The following ASB2 variants were observed in gnomAD, a reference collection of about 807,000 sequenced individuals.
The protein encoded by ASB2 is ankyrin repeat and SOCS box protein 2.
Under a neutral mutation model 62.4 loss-of-function variants are expected in ASB2, and 58 were observed. That is an observed-to-expected ratio of 0.93 (90% CI 0.75 to 1.16). The LOEUF is 1.16. ASB2 is among the 50% of genes most tolerant of loss of function. The pLI, the probability that ASB2 is intolerant of heterozygous loss-of-function variation, is 0.00. For missense variants in ASB2, 928 were observed against 887.9 expected (o/e 1.05, Z -0.57); for synonymous variants, 386 against 385.3 (o/e 1.00, Z -0.02).
chr14:93,973,589 T>G (rs1889823695), intron 1 of ASB2, among the ~76,000 whole-genome samples: 1 of 152,228 alleles, frequency 6.6e-6, no homozygotes, highest in Non-Finnish European at 1.5e-5. Context: ...GCTTCCAGTT[T>G]ACTTCTTTGG....
chr14:93,943,426 G>C (rs6575369), intron 7 of ASB2, among the ~76,000 whole-genome samples: 123,497 of 152,138 alleles, frequency 0.81, 50,473 homozygotes, highest in Middle Eastern at 0.94. Context: ...GGGTGGATCA[G>C]TTGAGCTCAG....
At chr14:93,955,414 A>T (rs968509013) in intron 3 of ASB2, 15 of 328,026 alleles carry the variant, frequency 4.6e-5, no homozygotes, top group Non-Finnish European at 9.1e-5. Context: ...AGCAAGGACG[A>T]TGGGAAACTG....
At chr14:93,947,667 C>T (rs542495885) in intron 6 of ASB2, 147 bp from the exon 7 acceptor site, 20 of 754,784 alleles carry the variant, frequency 2.6e-5, no homozygotes, top group African/African-American at 2.4e-4. Context: ...AGGAGTCTAC[C>T]TGGGGCTACC....
At chr14:93,972,432 T>C (rs1287570048) in intron 1 of ASB2, among the ~76,000 whole-genome samples, 1 of 152,154 alleles carries the variant, frequency 6.6e-6, no homozygotes, top group Non-Finnish European at 1.5e-5. Flanking sequence ...CTGGTGCCTG[T>C]GGGTCCTTGT....
At chr14:93,957,847 C>T (rs2141303692) in intron 2 of ASB2, among the ~76,000 whole-genome samples, 1 of 152,296 alleles carries the variant, frequency 6.6e-6, no homozygotes, top group East Asian at 1.9e-4. Flanking sequence ...TGACACCACC[C>T]CCAGTAGGTC....
intron 2 of ASB2, among the ~76,000 whole-genome samples, chr14:93,959,401 G>A (rs773392819): frequency 7.2e-5 from 11 of 152,172 alleles, no homozygotes; most frequent in Non-Finnish European, 1.3e-4. Flanking sequence ...CAAGGCGACC[G>A]CTCAGAGTTA....
intron 2 of ASB2, among the ~76,000 whole-genome samples, chr14:93,963,985 A>T (rs1465236118): frequency 2.6e-5 from 4 of 152,106 alleles, no homozygotes. Context: ...GTGTTGTAAG[A>T]TAGGGAGCCA....
intron 1 of ASB2, among the ~76,000 whole-genome samples, chr14:93,966,575 A>G (rs1235231640): frequency 6.6e-6 from 1 of 152,208 alleles, no homozygotes; most frequent in Non-Finnish European, 1.5e-5. Flanking sequence ...CATAATGAAT[A>G]ATAGTTTTTC....
Position 93,939,509 on chromosome 14 carries a change from GGC to G in ASB2, c.1214_1215del (p.Arg405ProfsTer137), listed in dbSNP as rs747725471. The G allele has an allele frequency of 3.1e-6, 5 of 1,607,918 alleles. No individual in the cohort carries two copies. Among genetic ancestry groups the G allele is most frequent in the African/African-American group, 1.3e-5 (1 of 74,564 alleles). On this transcript the variant is annotated frameshift_variant, in exon 8 of 10. Coordinates refer to ENST00000555019, the MANE Select transcript of ASB2 (RefSeq NM_001202429.2). LOFTEE classifies it high-confidence loss of function. ...GCGGAGCTGCGCCGGTCTTCGTAGA[GGC>G]GCGCGCGCTCGGGGGCCAGCGGCGT... ...VNTPLAPERA[R>X]LYEDRRSSAL...
intron 8 of ASB2, among the ~76,000 whole-genome samples, chr14:93,938,203 G>A (rs1888343121): frequency 6.7e-6 from 1 of 150,212 alleles, no homozygotes. Flanking sequence ...TCCAGGAGAG[G>A]AGTGTGTCTA....
intron 1 of ASB2, among the ~76,000 whole-genome samples, chr14:93,971,582 G>T (rs145771640): frequency 1.3e-5 from 2 of 152,296 alleles, no homozygotes; most frequent in Non-Finnish European, 2.9e-5. Context: ...AAAGCCTGTG[G>T]TTCAGATCCA....
At chr14:93,937,173 C>T (rs1197863532) in intron 9 of ASB2, among the ~76,000 whole-genome samples, 2 of 152,212 alleles carry the variant, frequency 1.3e-5, no homozygotes, top group African/African-American at 2.4e-5. Flanking sequence ...TCTCCCACAC[C>T]AGGGTGTTCT....
chr14:93,962,537 C>T (rs4905119), intron 2 of ASB2, among the ~76,000 whole-genome samples: 100,321 of 152,000 alleles, frequency 0.66, 34,973 homozygotes, highest in East Asian at 0.97. Flanking sequence ...GAGGGCTGCT[C>T]GACCTGGGAG....
Position 93,951,101 on chromosome 14 carries a change from C to T in ASB2, c.778G>A (p.Gly260Arg), listed in dbSNP as rs139557548. 1.4e-4 allele frequency: 222 copies of T among 1,614,228 alleles called. 1 individual carries two copies. In the African/African-American group the frequency reaches 2.1e-3, roughly 15 times the overall value. Residue 260 changes from glycine (G) to arginine (R), a missense_variant, in exon 6 of 10, where the codon GGA becomes AGA. Gly to Arg is a moderately radical substitution (Grantham distance 125). Transcript: ENST00000555019. Reference protein sequence around the residue: ...DLEVMQILVSGGAKVESKNAY... With the variant: ...DLEVMQILVSRGAKVESKNAY... ...TTCTTGGATTCCACCTTGGCTCCTC[C>T]GCTCACCAGGATCTGCATGACCTCC...
In ASB2 at chr14:93,939,636, C is replaced by T; in HGVS notation, c.1089G>A (p.Thr363=). 3 of 1,521,568 alleles carry T rather than the reference C, an allele frequency of 2.0e-6. No individual in the cohort carries two copies. Among genetic ancestry groups the T allele is most frequent in the Non-Finnish European group, 2.6e-6 (3 of 1,142,576 alleles). The allele number at this position is 1,521,568 out of a possible 1,614,324, so 94.3% of individuals were successfully genotyped here. ...VQMLLPVTSR[T]RIRRSGVSPL... is the part of the protein sequence containing the mutation. ...GACTGACGCCGCTACGGCGTATGCG[C>T]GTGCGGCTGGTCACCGGCAGCAGCA... Residue 363 remains threonine, a synonymous_variant, in exon 8 of 10, where the codon ACG becomes ACA. Coordinates refer to ENST00000555019, the MANE Select transcript of ASB2 (RefSeq NM_001202429.2).
At position 93,950,979 on chromosome 14, in the gene ASB2, A is replaced by G; in HGVS notation, c.880+20T>C. 6.2e-7 allele frequency: 1 copy of G among 1,606,288 alleles called. No individual in the cohort carries two copies. Among genetic ancestry groups the G allele is most frequent in the Non-Finnish European group, 8.5e-7 (1 of 1,175,694 alleles). On this transcript the variant is annotated intron_variant, in intron 6 of 9. Transcript: ENST00000555019. ...GTGCCCTTTGGGGACTCCATGACCT[A>G]GGGACCCTTAGCCACTCACCGTACT... is the stretch of plus-strand genomic sequence containing the variant.
At chr14:93,966,515 T>C (rs575078621) in intron 1 of ASB2, among the ~76,000 whole-genome samples, 2 of 152,292 alleles carry the variant, frequency 1.3e-5, no homozygotes, top group South Asian at 2.1e-4. Context: ...AGCAGCCATC[T>C]TGTGACCATG....
At position 93,956,779 on chromosome 14, in the gene ASB2, T is replaced by C. The variant is rs762850608; in HGVS notation, c.298A>G (p.Thr100Ala). ...GGAGTCACTTACGCCAGCTGGGAGG[T>C]CTTGAACAAGCTGCTGCTGTATTTC... ...MQKYSSSLFK[T>A]SQLAPADPLI... Residue 100 changes from threonine to alanine, a missense_variant, in exon 3 of 10, where the codon ACC becomes GCC. By Grantham distance (58) the Thr-to-Ala change is moderately conservative. Coordinates refer to ENST00000555019, the MANE Select transcript of ASB2 (RefSeq NM_001202429.2). 14 of 1,613,762 alleles carry C rather than the reference T, an allele frequency of 8.7e-6. No individual in the cohort carries two copies. The highest frequency in any genetic ancestry group is 3.3e-4 in the Middle Eastern group (2 of 6,078).
At chr14:93,967,562 A>G (rs1889631887) in intron 1 of ASB2, among the ~76,000 whole-genome samples, 1 of 152,232 alleles carries the variant, frequency 6.6e-6, no homozygotes, top group African/African-American at 2.4e-5. Context: ...TGCTAAGGCC[A>G]AAGTGCTTTG....
Sources: gnomAD v4.1 joint callset for allele counts (sites outside exome capture counted in the v4.1 genomes callset) on GRCh38, gnomAD v4.1.1 for gene constraint, MANE v1.5 for transcripts, NCBI Gene and HGNC (gene_info 2026-07-23, HGNC 2026-07-21) for gene names.